Variants in UGT1A10 observed in about 807,000 individuals in gnomAD.
The protein encoded by UGT1A10 is UDP glucuronosyltransferase family 1 member A10.
A neutral mutation model predicts 45.8 loss-of-function variants in UGT1A10; 49 were observed. The ratio of observed to expected loss-of-function variants is 1.07; its 90% CI spans 0.85 to 1.36. UGT1A10 has a LOEUF of 1.36. Among genes scored for constraint, UGT1A10 ranks in the 40% most tolerant of loss-of-function variants. The pLI is 0.00. For synonymous variants in UGT1A10, 284 were observed against 249.7 expected (o/e 1.14, Z -1.29); for missense variants, 745 against 668.6 (o/e 1.11, Z -1.26).
At chr2:233,705,564 C>A (rs529349858) in intron 1 of UGT1A10, among the ~76,000 whole-genome samples, 233 of 152,138 alleles carry the variant, frequency 1.5e-3, no homozygotes, top group Non-Finnish European at 2.7e-3. Context: ...TTGCTTGTGG[C>A]AAGGGATAGA....
chr2:233,706,094 TA>T (rs141668784), intron 1 of UGT1A10, among the ~76,000 whole-genome samples: 1 of 151,444 alleles, frequency 6.6e-6, no homozygotes, highest in Middle Eastern at 3.4e-3. Flanking sequence ...GATTCTGTCT[TA>T]AAAAAAAACC....
chr2:233,737,087 A>G (rs955839676), intron 1 of UGT1A10, among the ~76,000 whole-genome samples: 1 of 152,174 alleles, frequency 6.6e-6, no homozygotes, highest in Non-Finnish European at 1.5e-5. Context: ...TCAGACAGGG[A>G]TGTTTAAGTC....
At position 233,705,067 on chromosome 2, in the gene UGT1A10, C is replaced by T. The variant is rs141940353; in HGVS notation, c.856-61967C>T. ...AGGAGAATTGCTTGAACCCGGGAGGCGGAGGTTGCAGAGAGCCAAGATCGT... is the reference window on the plus strand; with the variant it reads ...AGGAGAATTGCTTGAACCCGGGAGGTGGAGGTTGCAGAGAGCCAAGATCGT... On this transcript the variant is annotated intron_variant, in intron 1 of 4. Transcript: ENST00000344644. 1.6e-3 allele frequency among the ~76,000 whole-genome samples: 242 copies of T among 150,442 alleles called. 6 individuals are homozygous for T. The East Asian group carries it at 0.044, about 28-fold the overall frequency.
chr2:233,733,128 G>A (rs1348090612), intron 1 of UGT1A10, among the ~76,000 whole-genome samples: 1 of 152,132 alleles, frequency 6.6e-6, no homozygotes, highest in East Asian at 1.9e-4. Flanking sequence ...TTGGTGTATA[G>A]GAATGCTTGT....
chr2:233,734,445 A>G (rs1034867572), intron 1 of UGT1A10, among the ~76,000 whole-genome samples: 11 of 144,918 alleles, frequency 7.6e-5, no homozygotes, highest in African/African-American at 3.0e-4. Flanking sequence ...CCAGAGGTCT[A>G]TCAATTTTCA....
intron 1 of UGT1A10, among the ~76,000 whole-genome samples, chr2:233,661,636 TTTCTTTC>T (rs920941515): frequency 6.0e-5 from 5 of 83,346 alleles, no homozygotes; most frequent in Admixed American, 1.2e-4. Flanking sequence ...TCTTTCTTTC[TTTCTTTC>T]TTTCTTTCTT....
chr2:233,743,470 G>C (rs1240539380), intron 1 of UGT1A10: 5 of 1,366,644 alleles, frequency 3.7e-6, no homozygotes, highest in Middle Eastern at 4.2e-4. Flanking sequence ...ACCCCCAAAA[G>C]CTGGAAATTC....
intron 1 of UGT1A10, chr2:233,747,729 T>A: frequency 6.2e-7 from 1 of 1,613,510 alleles, no homozygotes. Context: ...TGTGTTTTTT[T>A]TGAGGAACAT....
intron 1 of UGT1A10, chr2:233,753,260 C>T (rs917926378): frequency 2.6e-5 from 4 of 152,220 alleles, no homozygotes; most frequent in African/African-American, 9.6e-5. Context: ...ACTACCCAGG[C>T]ACCTTGGAGC....
At chr2:233,721,966 T>C (rs1022053343) in intron 1 of UGT1A10, 4 of 298,750 alleles carry the variant, frequency 1.3e-5, no homozygotes, top group Admixed American at 7.9e-5. Flanking sequence ...TATGCATACA[T>C]TGATGGCCTG....
At chr2:233,710,864 A>T (rs1455243493) in intron 1 of UGT1A10, among the ~76,000 whole-genome samples, 1 of 152,198 alleles carries the variant, frequency 6.6e-6, no homozygotes, top group Non-Finnish European at 1.5e-5. Context: ...TATGTTTTTT[A>T]AAAAAGTTAA....
intron 1 of UGT1A10, among the ~76,000 whole-genome samples, chr2:233,712,488 T>C (rs2076236717): frequency 1.3e-5 from 2 of 152,212 alleles, no homozygotes; most frequent in Admixed American, 1.3e-4. Flanking sequence ...TAAAGAAAGC[T>C]GGCTTAGCAA....
chr2:233,694,262 A>AC (rs1480202437), intron 1 of UGT1A10, among the ~76,000 whole-genome samples: 9 of 151,410 alleles, frequency 5.9e-5, no homozygotes, highest in Non-Finnish European at 1.2e-4. Context: ...GGACCAGCGA[A>AC]CTACAGCCTG....
At chr2:233,686,325 T>C (rs2074783481) in intron 1 of UGT1A10, among the ~76,000 whole-genome samples, 2 of 152,026 alleles carry the variant, frequency 1.3e-5, no homozygotes. Flanking sequence ...TTTATCAAAA[T>C]GTTTTTATAC....
chr2:233,767,013 A>C, intron 1 of UGT1A10, 21 bp from the exon 2 acceptor site: 3 of 1,613,858 alleles, frequency 1.9e-6, no homozygotes, highest in Non-Finnish European at 2.5e-6. Flanking sequence ...AATTAACTGA[A>C]AATTTTTCTT....
chr2:233,660,791 C>T (rs1472477607), intron 1 of UGT1A10, among the ~76,000 whole-genome samples: 1 of 152,058 alleles, frequency 6.6e-6, no homozygotes, highest in Admixed American at 6.6e-5. Flanking sequence ...AAAACTGGCT[C>T]AGGCAGATAT....
chr2:233,643,441 C>T (rs1358589528), intron 1 of UGT1A10, among the ~76,000 whole-genome samples: 2 of 152,062 alleles, frequency 1.3e-5, no homozygotes, highest in Non-Finnish European at 2.9e-5. Context: ...ACTTGCCCTT[C>T]AAGGCAGTGG....
chr2:233,743,650 G>T, intron 1 of UGT1A10: 1 of 1,367,276 alleles, frequency 7.3e-7, no homozygotes, highest in Non-Finnish European at 9.8e-7. Context: ...AGCTGAAGAC[G>T]TACTCGAAGG....
chr2:233,759,026 A>G (rs888147104), intron 1 of UGT1A10, among the ~76,000 whole-genome samples: 4 of 152,116 alleles, frequency 2.6e-5, no homozygotes, highest in Admixed American at 2.0e-4. Flanking sequence ...TTGCTTATCT[A>G]TTTGGTTTCC....
Sources: allele counts gnomAD v4.1 joint callset (sites outside exome capture counted in the v4.1 genomes callset), GRCh38; gene constraint gnomAD v4.1.1; transcripts MANE v1.5; gene names NCBI Gene and HGNC (gene_info 2026-07-23, HGNC 2026-07-21).